USP13: variants seen among roughly 807,000 people sequenced by gnomAD.
USP13 encodes the protein ubiquitin specific peptidase 13, also known as ubiquitin carboxyl-terminal hydrolase 13.
In USP13, 68 loss-of-function variants were observed where a neutral mutation model predicts 107.8. That is an observed-to-expected ratio of 0.63 (90% CI 0.52 to 0.77). USP13 has a LOEUF of 0.77. Ranked by LOEUF, USP13 falls within the 30% of genes least tolerant of loss-of-function variation. The pLI is 0.00. For missense variants in USP13, 945 were observed against 1,093.3 expected, an observed-to-expected ratio of 0.86 and a Z score of 1.91; for synonymous variants, 377 against 389.5, an observed-to-expected ratio of 0.97 and a Z score of 0.38.
At chr3:179,750,218 T>C (rs1714546088) in intron 13 of USP13, among the ~76,000 whole-genome samples, 1 of 150,578 alleles carries the variant, frequency 6.6e-6, no homozygotes, top group Non-Finnish European at 1.5e-5. Flanking sequence ...TGACCCGAGA[T>C]CACGCCATTG....
At chr3:179,693,310 G>A (rs1021463389) in intron 3 of USP13, among the ~76,000 whole-genome samples, 5 of 151,778 alleles carry the variant, frequency 3.3e-5, no homozygotes, top group Non-Finnish European at 5.9e-5. Context: ...CACCACACAT[G>A]GTTAATTAAA....
At chr3:179,658,226 T>A (rs949342882) in intron 1 of USP13, among the ~76,000 whole-genome samples, 11 of 152,196 alleles carry the variant, frequency 7.2e-5, no homozygotes, top group Non-Finnish European at 1.6e-4. Flanking sequence ...AGTGCTGTGA[T>A]TACAGGCGGG....
chr3:179,767,815 T>C (rs1024632558), intron 19 of USP13, among the ~76,000 whole-genome samples: 18 of 152,308 alleles, frequency 1.2e-4, no homozygotes, highest in Admixed American at 9.8e-4. Context: ...TATAATCATA[T>C]AGTGGCAGAT....
chr3:179,777,622 T>G (rs1443792844), intron 19 of USP13, among the ~76,000 whole-genome samples: 1 of 151,918 alleles, frequency 6.6e-6, no homozygotes, highest in Non-Finnish European at 1.5e-5. Flanking sequence ...CTGGCTAATT[T>G]TTTTGTATTT....
At chr3:179,782,618 G>A (rs1284630864) in intron 20 of USP13, among the ~76,000 whole-genome samples, 1 of 152,144 alleles carries the variant, frequency 6.6e-6, no homozygotes, top group East Asian at 1.9e-4. Flanking sequence ...AAATGCCTGA[G>A]GGTGGCCTCT....
intron 1 of USP13, among the ~76,000 whole-genome samples, chr3:179,673,554 G>A (rs1282940209): frequency 6.6e-6 from 1 of 152,190 alleles, no homozygotes; most frequent in African/African-American, 2.4e-5. Flanking sequence ...AGATTTCAAT[G>A]AGCATGACAC....
intron 8 of USP13, among the ~76,000 whole-genome samples, chr3:179,728,189 C>T (rs1345645283): frequency 8.6e-5 from 12 of 140,054 alleles, no homozygotes; most frequent in Non-Finnish European, 1.1e-4. Flanking sequence ...GGCGGCTGGC[C>T]TGGCGGGGGG....
At chr3:179,775,124 A>C (rs1429991452) in intron 19 of USP13, among the ~76,000 whole-genome samples, 2 of 151,948 alleles carry the variant, frequency 1.3e-5, no homozygotes, top group Non-Finnish European at 2.9e-5. Context: ...GATTAGCTAG[A>C]TACAGTGCTG....
Position 179,682,989 on chromosome 3 carries a change from G to C in USP13, c.294+986G>C, listed in dbSNP as rs560040876. ...CTCACCAACCCTTGGTCAGAGTTCT[G>C]TTTTTGCCAAATATTTAGATGAAGT... On this transcript the variant is annotated intron_variant, in intron 2 of 20. Transcript: ENST00000263966. Among the ~76,000 whole-genome samples, 18 of 150,346 alleles carry C rather than the reference G, an allele frequency of 1.2e-4. No homozygotes were observed. In the East Asian group the frequency reaches 3.1e-3, roughly 26 times the overall value.
chr3:179,762,442 A>C (rs1715041819), intron 17 of USP13, among the ~76,000 whole-genome samples: 1 of 152,168 alleles, frequency 6.6e-6, no homozygotes, highest in Non-Finnish European at 1.5e-5. Flanking sequence ...TTGTCTGGGC[A>C]TGGTGGCGGG....
chr3:179,759,635 A>G (rs1378683238), intron 16 of USP13, among the ~76,000 whole-genome samples: 1 of 152,192 alleles, frequency 6.6e-6, no homozygotes, highest in Non-Finnish European at 1.5e-5. Context: ...TGACCTGGAT[A>G]GGATGTTCTA....
At chr3:179,769,235 A>T (rs1715273386) in intron 19 of USP13, among the ~76,000 whole-genome samples, 1 of 152,196 alleles carries the variant, frequency 6.6e-6, no homozygotes, top group South Asian at 2.1e-4. Flanking sequence ...ATGTATATAC[A>T]TCTATATTGT....
intron 10 of USP13, among the ~76,000 whole-genome samples, chr3:179,735,384 CT>C (rs1290356813): frequency 6.8e-6 from 1 of 146,876 alleles, no homozygotes; most frequent in African/African-American, 2.5e-5. Flanking sequence ...TTTTTGGTTT[CT>C]TTTAGGGAAC....
At chr3:179,781,863 T>C in intron 20 of USP13, 40 bp downstream of exon 20, 2 of 1,546,962 alleles carry the variant, frequency 1.3e-6, no homozygotes, top group Non-Finnish European at 1.8e-6. Context: ...CTGTGATTTA[T>C]TGAGTACCTA....
chr3:179,781,897 G>C, intron 20 of USP13, 74 bp downstream of exon 20: 1 of 1,294,584 alleles, frequency 7.7e-7, no homozygotes. Context: ...ACTCTCCTAG[G>C]TACATTGTAT....
chr3:179,726,628 T>C (rs1485187346), intron 8 of USP13, among the ~76,000 whole-genome samples: 1 of 151,044 alleles, frequency 6.6e-6, no homozygotes, highest in Non-Finnish European at 1.5e-5. Context: ...GAACTTGGCC[T>C]GGTGCCTGGC....
intron 5 of USP13, 40 bp downstream of exon 5, chr3:179,707,116 A>G: frequency 1.3e-6 from 2 of 1,579,004 alleles, no homozygotes; most frequent in Non-Finnish European, 1.7e-6. Flanking sequence ...ACTCCCTAAA[A>G]CTGTCCAAAG....
intron 8 of USP13, among the ~76,000 whole-genome samples, chr3:179,725,713 T>C (rs116624090): frequency 0.012 from 1,805 of 152,348 alleles, 41 homozygotes; most frequent in African/African-American, 0.041. Context: ...AATGTATTCA[T>C]TGAACAAATA....
intron 18 of USP13, 32 bp downstream of exon 18, chr3:179,764,200 TG>T: frequency 6.3e-7 from 1 of 1,579,122 alleles, no homozygotes. Context: ...TGTGTGTGTG[TG>T]TGTGTGTGTG....
Sources: gnomAD v4.1 joint callset for allele counts (sites outside exome capture counted in the v4.1 genomes callset) on GRCh38, gnomAD v4.1.1 for gene constraint, MANE v1.5 for transcripts, NCBI Gene and HGNC (gene_info 2026-07-23, HGNC 2026-07-21) for gene names.